Variants in CD160 observed in about 807,000 individuals in gnomAD.
CD160 encodes the protein CD160 antigen.
A neutral mutation model predicts 19.2 loss-of-function variants in CD160; 11 were observed. The ratio of observed to expected loss-of-function variants is 0.57; its 90% CI spans 0.36 to 0.95. The LOEUF (loss-of-function observed/expected upper bound fraction) is 0.95, where lower values mean the gene tolerates loss of function less well. Among genes scored for constraint, CD160 ranks in the 40% least tolerant of loss-of-function variants. CD160 has a pLI of 0.01. For synonymous variants in CD160, 75 were observed against 81.1 expected (o/e 0.93, Z 0.40); for missense variants, 182 against 213.2 (o/e 0.85, Z 0.91).
At chr1:145,723,363 T>C (rs1656926484) in intron 1 of CD160, among the ~76,000 whole-genome samples, 1 of 152,222 alleles carries the variant, frequency 6.6e-6, no homozygotes, top group African/African-American at 2.4e-5. Flanking sequence ...TTGGTTGCTA[T>C]AATGAATGGA....
chr1:145,725,152 G>C (rs1046256998), intron 2 of CD160, among the ~76,000 whole-genome samples: 21 of 151,830 alleles, frequency 1.4e-4, no homozygotes, highest in Non-Finnish European at 1.5e-5. Context: ...GGGCGTGGTG[G>C]TTCACGCCTG....
intron 3 of CD160, among the ~76,000 whole-genome samples, chr1:145,729,431 G>C (rs1657199220): frequency 6.6e-6 from 1 of 152,194 alleles, no homozygotes. Flanking sequence ...CAGAGAGCTG[G>C]ATTTAACCGA....
chr1:145,725,461 A>T (rs1657022057), intron 2 of CD160, among the ~76,000 whole-genome samples: 1 of 152,130 alleles, frequency 6.6e-6, no homozygotes, highest in African/African-American at 2.4e-5. Flanking sequence ...AAATAACAAC[A>T]TACTATGACC....
At chr1:145,735,852 C>A in intron 4 of CD160, 145 bp from the exon 5 acceptor site, 1 of 625,688 alleles carries the variant, frequency 1.6e-6, no homozygotes. Flanking sequence ...TCATTACCCA[C>A]AATGTTAAAA....
At position 145,728,406 on chromosome 1, in the gene CD160, G is replaced by A; in HGVS notation, c.73+6G>A. ...TGTGGACATCCAGTCTGGTGGTGAG[G>A]ATAGACCCTAGAGCAGAGACGGCCA... On this transcript the variant is annotated splice_donor_region_variant and intron_variant, in intron 3 of 5. Transcript: ENST00000369288. 1 of 1,600,934 alleles carries A rather than the reference G, an allele frequency of 6.2e-7. No individual in the cohort carries two copies. The highest frequency in any genetic ancestry group is 8.6e-7 in the Non-Finnish European group (1 of 1,168,420).
intron 4 of CD160, among the ~76,000 whole-genome samples, chr1:145,732,344 T>A (rs1657329730): frequency 6.6e-6 from 1 of 151,992 alleles, no homozygotes; most frequent in Non-Finnish European, 1.5e-5. Context: ...AGAAAGTGAA[T>A]CCATAAAGGG....
chr1:145,735,983 C>T lies in CD160; in HGVS notation c.401-14C>T. On this transcript the variant is annotated splice_polypyrimidine_tract_variant and intron_variant, in intron 4 of 5. Transcript: ENST00000369288. Reference sequence around the variant, plus strand: ...TGAAACCCTCCCCTGATCCATGATTCTCTTTTGAACCAGAGACAGGGAACT... The same window carrying T: ...TGAAACCCTCCCCTGATCCATGATTTTCTTTTGAACCAGAGACAGGGAACT... The T allele has an allele frequency of 6.3e-7, 1 of 1,589,272 alleles. No homozygotes were observed. The highest frequency in any genetic ancestry group is 8.6e-7 in the Non-Finnish European group (1 of 1,161,474).
rs782187076 is a variant in CD160, at chr1:145,730,947, T to A, written c.277T>A (p.Ser93Thr). 27 of 1,613,996 alleles carry A rather than the reference T, an allele frequency of 1.7e-5. No individual in the cohort carries two copies. The highest frequency in any genetic ancestry group is 3.3e-4 in the Middle Eastern group (2 of 6,062). The part of the protein sequence containing the change: ...PGIDGVGEIS[S>T]QLMFTISQVT... ...GATAGATGGTGTTGGTGAAATATCA[T>A]CTCAGTTGATGTTCACCATAAGCCA... is the stretch of plus-strand genomic sequence containing the variant. Residue 93 changes from serine (S) to threonine (T), a missense_variant, in exon 4 of 6, where the codon TCT becomes ACT. Coordinates refer to ENST00000369288, the MANE Select transcript of CD160 (RefSeq NM_007053.4).
At chr1:145,735,948 T>C in intron 4 of CD160, 49 bp from the exon 5 acceptor site, 1 of 1,301,844 alleles carries the variant, frequency 7.7e-7, no homozygotes, top group East Asian at 2.3e-5. Context: ...AAGGAGATAC[T>C]GATGATTTCT....
intron 5 of CD160, chr1:145,736,383 TGA>T: frequency 9.6e-7 from 1 of 1,036,950 alleles, no homozygotes; most frequent in Non-Finnish European, 1.4e-6. Context: ...TGAAGGCCTG[TGA>T]GAGAGGCAAG....
At chr1:145,728,484 TG>T in intron 3 of CD160, 84 bp downstream of exon 3, 1 of 719,690 alleles carries the variant, frequency 1.4e-6, no homozygotes, top group Non-Finnish European at 2.3e-6. Context: ...TTTTCTCTAG[TG>T]GGGAAACAAA....
chr1:145,737,836 T>G (rs1257870593), intron 5 of CD160: 3 of 152,078 alleles, frequency 2.0e-5, no homozygotes, highest in Non-Finnish European at 4.4e-5. Flanking sequence ...TCCAATTTTT[T>G]GTTTTCTCCT....
intron 5 of CD160, 116 bp downstream of exon 5, chr1:145,736,250 A>G: frequency 2.6e-6 from 4 of 1,567,084 alleles, no homozygotes; most frequent in South Asian, 1.2e-5. Context: ...GGAGAGAAAA[A>G]TGTTACTCAA....
intron 4 of CD160, among the ~76,000 whole-genome samples, chr1:145,734,016 A>G (rs1657392772): frequency 6.6e-6 from 1 of 152,032 alleles, no homozygotes; most frequent in African/African-American, 2.4e-5. Flanking sequence ...CTGAGACCCT[A>G]TTTCTGTTCA....
In CD160 at chr1:145,731,018, C is replaced by T; in HGVS notation, c.348C>T (p.Ser116=). 6.2e-7 allele frequency: 1 copy of T among 1,614,142 alleles called. No homozygotes were observed. Among genetic ancestry groups the T allele is most frequent in the African/African-American group, 1.3e-5 (1 of 75,024 alleles). The part of the protein sequence containing the change: ...HSGTYQCCAR[S]QKSGIRLQGH... ...GGACCTACCAGTGTTGTGCCAGAAG[C>T]CAGAAGTCAGGTATCCGCCTTCAGG... Residue 116 remains serine, a synonymous_variant, in exon 4 of 6, where the codon AGC becomes AGT. Coordinates refer to ENST00000369288, the MANE Select transcript of CD160 (RefSeq NM_007053.4).
chr1:145,725,675 C>T (rs952237222), intron 2 of CD160, among the ~76,000 whole-genome samples: 1 of 151,918 alleles, frequency 6.6e-6, no homozygotes, highest in African/African-American at 2.4e-5. Context: ...ATGTATATTC[C>T]TTAACATAAT....
chr1:145,726,903 T>A (rs1435914686), intron 2 of CD160, among the ~76,000 whole-genome samples: 5 of 151,988 alleles, frequency 3.3e-5, no homozygotes, highest in Non-Finnish European at 5.9e-5. Context: ...ATCAAAAGAA[T>A]CAATGTCACA....
intron 2 of CD160, among the ~76,000 whole-genome samples, chr1:145,727,437 T>C (rs1295545700): frequency 6.6e-6 from 1 of 152,036 alleles, no homozygotes; most frequent in Non-Finnish European, 1.5e-5. Flanking sequence ...GATTAGAAGA[T>C]GTAACTATAA....
At chr1:145,720,490 TG>T (rs1553707657) in intron 1 of CD160, among the ~76,000 whole-genome samples, 1 of 152,158 alleles carries the variant, frequency 6.6e-6, no homozygotes. Context: ...CTAACAAGTC[TG>T]GTTCTACTTT....
Sources: gnomAD v4.1 joint callset for allele counts (sites outside exome capture counted in the v4.1 genomes callset) on GRCh38, gnomAD v4.1.1 for gene constraint, MANE v1.5 for transcripts, NCBI Gene and HGNC (gene_info 2026-07-23, HGNC 2026-07-21) for gene names.